ZNF638: variants seen among roughly 807,000 people sequenced by gnomAD.
ZNF638 encodes the protein zinc finger protein 638.
A neutral mutation model predicts 195.6 loss-of-function variants in ZNF638; 46 were observed. The ratio of observed to expected loss-of-function variants is 0.24; its 90% confidence interval spans 0.19 to 0.30. The LOEUF (loss-of-function observed/expected upper bound fraction) is 0.30, where lower values mean the gene tolerates loss of function less well. ZNF638 is among the 10% of genes least tolerant of loss of function. ZNF638 has a pLI of 1.00. For synonymous variants in ZNF638, 845 were observed against 772.0 expected (o/e 1.09, Z -1.57); for missense variants, 2,440 against 2,325.3 (o/e 1.05, Z -1.01).
chr2:71,406,778 T>C (rs1324141001), intron 19 of ZNF638, among the ~76,000 whole-genome samples: 2 of 152,120 alleles, frequency 1.3e-5, no homozygotes, highest in African/African-American at 4.8e-5. Flanking sequence ...GGCGAGGGGA[T>C]TGCTTGAGCC....
At chr2:71,396,079 T>G in intron 10 of ZNF638, 62 bp from the exon 11 acceptor site, 2 of 1,487,574 alleles carry the variant, frequency 1.3e-6, no homozygotes, top group South Asian at 2.3e-5. Flanking sequence ...GGTTGACTTT[T>G]AACTAAATCC....
chr2:71,401,970 G>A lies in ZNF638; in HGVS notation c.2712G>A (p.Met904Ile), dbSNP rs200740029. The change falls in exon 16 of 28, where the codon ATG becomes ATA. Residue 904 changes from methionine to isoleucine, a missense_variant. Transcript: ENST00000264447. ...TTGTTTTGAAGGAAACAGAAGAAAT[G>A]TGTGTGATGCTTGTCTCTAATTTGC... is the stretch of plus-strand genomic sequence containing the variant. The part of the protein sequence containing the change: ...NEPLNKETEE[M>I]CVMLVSNLPN... The A allele has an allele frequency of 1.9e-4, 307 of 1,579,144 alleles. No individual in the cohort carries two copies. Among genetic ancestry groups the A allele is most frequent in the Non-Finnish European group, 2.5e-4 (286 of 1,164,416 alleles).
intron 20 of ZNF638, among the ~76,000 whole-genome samples, chr2:71,411,011 T>TTC (rs2080208563): frequency 7.5e-6 from 1 of 133,716 alleles, no homozygotes; most frequent in Non-Finnish European, 1.6e-5. Flanking sequence ...TTTTTTTTTT[T>TTC]TGTCGAGATG....
intron 8 of ZNF638, chr2:71,376,275 G>A (rs2079422145): frequency 6.6e-6 from 1 of 152,206 alleles, no homozygotes; most frequent in Non-Finnish European, 1.5e-5. Flanking sequence ...GAACAAGAAG[G>A]CTAACTCATG....
intron 5 of ZNF638, 86 bp from the exon 6 acceptor site, chr2:71,365,343 G>A (rs936768578): frequency 1.8e-6 from 2 of 1,111,156 alleles, no homozygotes; most frequent in Admixed American, 3.0e-5. Context: ...TGTTTAGCTT[G>A]AGAATAGCAC....
At chr2:71,343,374 G>C (rs995528490) in intron 1 of ZNF638, among the ~76,000 whole-genome samples, 2 of 152,178 alleles carry the variant, frequency 1.3e-5, no homozygotes, top group Non-Finnish European at 2.9e-5. Context: ...AGAAGGGTCT[G>C]TTAGGATGTA....
intron 1 of ZNF638, among the ~76,000 whole-genome samples, chr2:71,332,635 TG>T (rs1047092572): frequency 6.6e-6 from 1 of 152,204 alleles, no homozygotes; most frequent in African/African-American, 2.4e-5. Flanking sequence ...ATTCTTAGCT[TG>T]GGCCCCGTTC....
At chr2:71,408,732 AACTC>A (rs1373698034) in intron 20 of ZNF638, 4 of 455,178 alleles carry the variant, frequency 8.8e-6, no homozygotes, top group African/African-American at 4.1e-5. Context: ...ATTAAATTCA[AACTC>A]AATCTATTTT....
intron 10 of ZNF638, among the ~76,000 whole-genome samples, chr2:71,389,240 G>A (rs1191620170): frequency 6.6e-6 from 1 of 152,166 alleles, no homozygotes; most frequent in Non-Finnish European, 1.5e-5. Flanking sequence ...CTACAGCTGT[G>A]GGACCCTGTC....
intron 1 of ZNF638, among the ~76,000 whole-genome samples, chr2:71,336,647 T>G (rs2078676291): frequency 6.6e-6 from 1 of 152,220 alleles, no homozygotes. Flanking sequence ...TGGGTACTGT[T>G]GTTTCATTTT....
intron 24 of ZNF638, among the ~76,000 whole-genome samples, chr2:71,428,234 A>C (rs1348113834): frequency 6.6e-6 from 1 of 152,184 alleles, no homozygotes; most frequent in Non-Finnish European, 1.5e-5. Flanking sequence ...AACTCAACTA[A>C]GAATAAAATA....
chr2:71,397,605 G>C (rs1371420273), intron 11 of ZNF638, among the ~76,000 whole-genome samples: 1 of 152,050 alleles, frequency 6.6e-6, no homozygotes, highest in African/African-American at 2.4e-5. Context: ...AAATCTGTTC[G>C]TGCCCCAAAG....
At chr2:71,418,946 G>C (rs530222946) in intron 21 of ZNF638, among the ~76,000 whole-genome samples, 1 of 152,218 alleles carries the variant, frequency 6.6e-6, no homozygotes, top group Non-Finnish European at 1.5e-5. Flanking sequence ...TCAACATCAC[G>C]AACAGTAATT....
intron 1 of ZNF638, among the ~76,000 whole-genome samples, chr2:71,336,999 T>G (rs2078681881): frequency 6.6e-6 from 1 of 152,194 alleles, no homozygotes; most frequent in African/African-American, 2.4e-5. Flanking sequence ...TATTATGGAT[T>G]GCATAATAGG....
At chr2:71,431,066 C>G (rs2080648112) in intron 25 of ZNF638, 1 of 308,664 alleles carries the variant, frequency 3.2e-6, no homozygotes, top group African/African-American at 2.1e-5. Context: ...ACTTGTATTA[C>G]TTCGTTAAAT....
rs561766957 is a variant in ZNF638, at chr2:71,380,646, A to G, written c.2377+81A>G. 1.5e-5 allele frequency: 18 copies of G among 1,217,202 alleles called. No homozygotes were observed. The South Asian group carries it at 2.4e-4, about 16-fold the overall frequency. The allele number at this position is 1,217,202 out of a possible 1,614,324, so 75.4% of individuals were successfully genotyped here. ...AAACTTAGATGATGATGCTATGAAG[A>G]CACTATTGTGCTTTAATGAAGGAGA... On this transcript the variant is annotated intron_variant, in intron 10 of 27. Coordinates refer to ENST00000264447, the MANE Select transcript of ZNF638 (RefSeq NM_014497.5).
At chr2:71,382,275 CAT>C (rs2079547583) in intron 10 of ZNF638, among the ~76,000 whole-genome samples, 1 of 152,068 alleles carries the variant, frequency 6.6e-6, no homozygotes. Flanking sequence ...GTCAGCCAAT[CAT>C]ATGGCATTGA....
intron 2 of ZNF638, among the ~76,000 whole-genome samples, chr2:71,352,963 G>C (rs1289318919): frequency 6.6e-6 from 1 of 152,088 alleles, no homozygotes; most frequent in African/African-American, 2.4e-5. Flanking sequence ...AACAGAATGG[G>C]GCTCATCTAA....
intron 20 of ZNF638, among the ~76,000 whole-genome samples, chr2:71,417,939 G>T (rs1202246295): frequency 6.6e-6 from 1 of 152,170 alleles, no homozygotes; most frequent in South Asian, 2.1e-4. Flanking sequence ...TACCCAGAGA[G>T]TGCATGATTT....
Sources: gnomAD v4.1 joint callset for allele counts (sites outside exome capture counted in the v4.1 genomes callset) on GRCh38, gnomAD v4.1.1 for gene constraint, MANE v1.5 for transcripts, NCBI Gene and HGNC (gene_info 2026-07-23, HGNC 2026-07-21) for gene names.